The following PDGFC variants were observed in gnomAD, a reference collection of about 807,000 sequenced individuals.
PDGFC encodes platelet derived growth factor C.
A neutral mutation model predicts 35.5 loss-of-function variants in PDGFC; 12 were observed. That is an observed-to-expected ratio of 0.34 (90% CI 0.22 to 0.55). The LOEUF (loss-of-function observed/expected upper bound fraction) is 0.55, where lower values mean the gene tolerates loss of function less well. Among genes scored for constraint, PDGFC ranks in the 20% least tolerant of loss-of-function variants. PDGFC has a pLI of 0.91. For missense variants in PDGFC, 322 were observed against 412.4 expected (o/e 0.78, Z 1.90); for synonymous variants, 159 against 148.8 (o/e 1.07, Z -0.50).
In PDGFC at chr4:156,971,749, C is replaced by A. The variant is rs1732600879; in HGVS notation, c.-846G>T. On this transcript the variant is annotated 5_prime_UTR_variant, in exon 1 of 6. It adds an upstream start codon to the 5' untranslated region. Coordinates refer to ENST00000502773, the MANE Select transcript of PDGFC (RefSeq NM_016205.3). ...TGTTCCCCGTCCCCTCCCCCCACGCCTCGGGCTCCGCGCTAACCTCGGGGC... is the reference window on the plus strand; with the variant it reads ...TGTTCCCCGTCCCCTCCCCCCACGCATCGGGCTCCGCGCTAACCTCGGGGC... 6.6e-6 allele frequency among the ~76,000 whole-genome samples: 1 copy of A among 151,926 alleles called. No individual in the cohort carries two copies. Among genetic ancestry groups the A allele is most frequent in the African/African-American group, 2.4e-5 (1 of 41,428 alleles).
At chr4:156,953,395 T>A (rs1470883290) in intron 1 of PDGFC, among the ~76,000 whole-genome samples, 1 of 151,912 alleles carries the variant, frequency 6.6e-6, no homozygotes. Context: ...TCAGAAGGAG[T>A]CTGAGATTCT....
intron 1 of PDGFC, among the ~76,000 whole-genome samples, chr4:156,927,811 G>A (rs78170061): frequency 3.9e-5 from 6 of 152,042 alleles, no homozygotes; most frequent in Non-Finnish European, 5.9e-5. Context: ...TTCCAAAGTC[G>A]CTTCCACATT....
At chr4:156,780,011 TAATC>T (rs1263087035) in intron 3 of PDGFC, among the ~76,000 whole-genome samples, 1 of 151,310 alleles carries the variant, frequency 6.6e-6, no homozygotes, top group East Asian at 1.9e-4. Context: ...TTATAAGTAA[TAATC>T]AATGTGGAAA....
At chr4:156,840,836 C>T (rs1025880108) in intron 2 of PDGFC, among the ~76,000 whole-genome samples, 6 of 152,140 alleles carry the variant, frequency 3.9e-5, no homozygotes, top group East Asian at 1.9e-4. Context: ...TGGAACTTTA[C>T]GATTTGACTG....
At chr4:156,912,505 C>G (rs1173832198) in intron 1 of PDGFC, among the ~76,000 whole-genome samples, 1 of 152,128 alleles carries the variant, frequency 6.6e-6, no homozygotes, top group Non-Finnish European at 1.5e-5. Context: ...TCCTTCCTTC[C>G]TTTCCTATCT....
At chr4:156,919,633 T>G (rs918462226) in intron 1 of PDGFC, among the ~76,000 whole-genome samples, 1 of 152,162 alleles carries the variant, frequency 6.6e-6, no homozygotes, top group African/African-American at 2.4e-5. Flanking sequence ...CTAGATGTCC[T>G]TAGCATCTCT....
intron 1 of PDGFC, among the ~76,000 whole-genome samples, chr4:156,935,025 C>T (rs1731642811): frequency 6.6e-6 from 1 of 152,104 alleles, no homozygotes; most frequent in Admixed American, 6.5e-5. Flanking sequence ...CAGATGGAGT[C>T]TCGCTCTGTC....
intron 1 of PDGFC, among the ~76,000 whole-genome samples, chr4:156,915,454 G>C (rs1320028623): frequency 6.6e-6 from 1 of 151,914 alleles, no homozygotes; most frequent in African/African-American, 2.4e-5. Context: ...AACTACTAAA[G>C]AGGGAATCCT....
chr4:156,808,303 T>A (rs1003118333), intron 3 of PDGFC, among the ~76,000 whole-genome samples: 3 of 152,054 alleles, frequency 2.0e-5, no homozygotes, highest in African/African-American at 7.2e-5. Flanking sequence ...ATGCAGAAAG[T>A]TAATTGTCTA....
At chr4:156,897,939 C>G (rs1483570237) in intron 1 of PDGFC, among the ~76,000 whole-genome samples, 1 of 152,124 alleles carries the variant, frequency 6.6e-6, no homozygotes, top group Non-Finnish European at 1.5e-5. Flanking sequence ...TGATATGAAG[C>G]TCTGTGTAAT....
intron 3 of PDGFC, among the ~76,000 whole-genome samples, chr4:156,790,586 A>T (rs1731271438): frequency 6.6e-6 from 1 of 152,226 alleles, no homozygotes. Context: ...TAACAACACA[A>T]GACAATCTTC....
intron 1 of PDGFC, among the ~76,000 whole-genome samples, chr4:156,961,283 T>C (rs1207374168): frequency 6.6e-6 from 1 of 152,058 alleles, no homozygotes; most frequent in Non-Finnish European, 1.5e-5. Flanking sequence ...TCCTTATAAA[T>C]ACGCAGCAAA....
chr4:156,884,732 T>G (rs530562669), intron 1 of PDGFC, among the ~76,000 whole-genome samples: 1 of 152,334 alleles, frequency 6.6e-6, no homozygotes, highest in African/African-American at 2.4e-5. Flanking sequence ...TAAAACACAT[T>G]GTGAAATTCA....
At chr4:156,876,736 C>G (rs1486465919) in intron 1 of PDGFC, 4 of 152,056 alleles carry the variant, frequency 2.6e-5, no homozygotes, top group African/African-American at 4.8e-5. Flanking sequence ...CTGGTGAGAA[C>G]CTTGGAATCT....
intron 1 of PDGFC, among the ~76,000 whole-genome samples, chr4:156,900,130 T>C (rs1171346588): frequency 6.6e-6 from 1 of 152,224 alleles, no homozygotes; most frequent in African/African-American, 2.4e-5. Context: ...TCATCTCTAC[T>C]TTCAACTAAT....
chr4:156,833,062 GA>G (rs1478998954), intron 2 of PDGFC, among the ~76,000 whole-genome samples: 1 of 152,198 alleles, frequency 6.6e-6, no homozygotes, highest in African/African-American at 2.4e-5. Flanking sequence ...TTCAAGTGGT[GA>G]ATTTCTGAAG....
intron 2 of PDGFC, among the ~76,000 whole-genome samples, chr4:156,829,582 A>G (rs1728875295): frequency 6.6e-6 from 1 of 152,008 alleles, no homozygotes; most frequent in Admixed American, 6.5e-5. Context: ...TACCCCTTCA[A>G]AGTGCTTTAA....
chr4:156,949,646 A>C (rs1047188879), intron 1 of PDGFC, among the ~76,000 whole-genome samples: 5 of 151,942 alleles, frequency 3.3e-5, no homozygotes, highest in Non-Finnish European at 5.9e-5. Flanking sequence ...TAGTTTGAAA[A>C]GGAATTTCTT....
At chr4:156,942,628 A>C (rs1436623349) in intron 1 of PDGFC, among the ~76,000 whole-genome samples, 1 of 150,480 alleles carries the variant, frequency 6.6e-6, no homozygotes, top group Non-Finnish European at 1.5e-5. Context: ...CCAAGACCTA[A>C]AACAGACAAA....
Sources: allele counts gnomAD v4.1 joint callset (sites outside exome capture counted in the v4.1 genomes callset), GRCh38; gene constraint gnomAD v4.1.1; transcripts MANE v1.5; gene names NCBI Gene and HGNC (gene_info 2026-07-23, HGNC 2026-07-21).